The following PTK7 variants were observed in gnomAD, a reference collection of about 807,000 sequenced individuals.
The protein encoded by PTK7 is inactive tyrosine-protein kinase 7.
In PTK7, 39 loss-of-function variants were observed where a neutral mutation model predicts 116.6. The observed-to-expected ratio is 0.33, with a 90% CI of 0.26 to 0.44. PTK7 has a LOEUF of 0.44. PTK7 is among the 20% of genes least tolerant of loss of function. The pLI is 1.00. For synonymous variants in PTK7, 546 were observed against 563.6 expected, an observed-to-expected ratio of 0.97 and a Z score of 0.44; for missense variants, 1,169 against 1,425.6, an observed-to-expected ratio of 0.82 and a Z score of 2.90.
At chr6:43,099,841 A>G (rs1269605037) in intron 1 of PTK7, among the ~76,000 whole-genome samples, 3 of 152,068 alleles carry the variant, frequency 2.0e-5, no homozygotes, top group African/African-American at 7.2e-5. Context: ...AGGCCGAGGC[A>G]GGCAGATCAC....
intron 1 of PTK7, among the ~76,000 whole-genome samples, chr6:43,078,701 GCAGA>G (rs1164974418): frequency 2.0e-5 from 3 of 152,202 alleles, no homozygotes. Flanking sequence ...GCCATAAATG[GCAGA>G]GTTACTTTCC....
At chr6:43,151,826 C>G (rs1342037757) in intron 17 of PTK7, among the ~76,000 whole-genome samples, 2 of 147,288 alleles carry the variant, frequency 1.4e-5, no homozygotes, top group Admixed American at 1.4e-4. Flanking sequence ...CGTGAGCCAC[C>G]GCGCCCAGCC....
At chr6:43,101,151 G>T (rs555468939) in intron 1 of PTK7, among the ~76,000 whole-genome samples, 1 of 151,024 alleles carries the variant, frequency 6.6e-6, no homozygotes, top group East Asian at 2.0e-4. Context: ...GGAGGCGGAG[G>T]TTGCTGTGAG....
intron 17 of PTK7, among the ~76,000 whole-genome samples, chr6:43,158,582 G>A (rs1199909022): frequency 6.6e-6 from 1 of 152,224 alleles, no homozygotes; most frequent in Admixed American, 6.5e-5. Context: ...GGCACTTGCT[G>A]TGTGTCAGCA....
At chr6:43,121,625 A>G (rs1768968831) in intron 1 of PTK7, among the ~76,000 whole-genome samples, 1 of 152,046 alleles carries the variant, frequency 6.6e-6, no homozygotes, top group Non-Finnish European at 1.5e-5. Context: ...TGACTTCTGA[A>G]CCCTTATGCT....
At chr6:43,126,184 G>C (rs1270315275) in intron 1 of PTK7, among the ~76,000 whole-genome samples, 1 of 152,156 alleles carries the variant, frequency 6.6e-6, no homozygotes, top group African/African-American at 2.4e-5. Context: ...GCCAGGTGTG[G>C]TGGTGCGTAG....
At position 43,076,577 on chromosome 6, in the gene PTK7, C is replaced by A; in HGVS notation, c.79+10C>A. On this transcript the variant is annotated intron_variant, in intron 1 of 19. Transcript: ENST00000230419. This position sits in a 1 kb window ranked among gnomAD's most constrained non-coding sequence, Gnocchi z 5.7. ...CTGCCGCTGCTGGGCGGTGAGTACC[C>A]GAGAGTTGGGGGCACAGAGCTTGGG... 1 of 1,574,668 alleles carries A rather than the reference C, an allele frequency of 6.4e-7. No homozygotes were observed. The highest frequency in any genetic ancestry group is 1.2e-5 in the South Asian group (1 of 85,966).
chr6:43,155,685 A>G (rs1421377204), intron 17 of PTK7, among the ~76,000 whole-genome samples: 1 of 152,108 alleles, frequency 6.6e-6, no homozygotes, highest in Non-Finnish European at 1.5e-5. Context: ...TACGTTTCAT[A>G]TATAGTGTAT....
At chr6:43,089,727 G>A (rs1766843835) in intron 1 of PTK7, among the ~76,000 whole-genome samples, 1 of 152,206 alleles carries the variant, frequency 6.6e-6, no homozygotes, top group African/African-American at 2.4e-5. Flanking sequence ...GGAGTACTGA[G>A]GGGAGGGGGC....
intron 1 of PTK7, among the ~76,000 whole-genome samples, chr6:43,125,559 C>T (rs1375790332): frequency 6.6e-6 from 1 of 152,228 alleles, no homozygotes; most frequent in Non-Finnish European, 1.5e-5. Flanking sequence ...TGCCTTCAGA[C>T]TTCTCTGCTG....
chr6:43,082,207 A>T (rs996216114), intron 1 of PTK7, among the ~76,000 whole-genome samples: 1 of 151,892 alleles, frequency 6.6e-6, no homozygotes, highest in Non-Finnish European at 1.5e-5. Context: ...ATGGAGTCTC[A>T]CTCTGTCGCC....
intron 5 of PTK7, among the ~76,000 whole-genome samples, chr6:43,131,075 A>T (rs1429106230): frequency 1.4e-5 from 2 of 147,240 alleles, no homozygotes; most frequent in Non-Finnish European, 3.0e-5. Context: ...ACACACACAC[A>T]CACTTTTTAG....
chr6:43,093,105 G>A (rs962170437), intron 1 of PTK7, among the ~76,000 whole-genome samples: 3 of 152,006 alleles, frequency 2.0e-5, no homozygotes, highest in African/African-American at 7.3e-5. Context: ...GTTTACAAGA[G>A]GAGGTAGGTG....
At chr6:43,084,265 G>C (rs902541114) in intron 1 of PTK7, among the ~76,000 whole-genome samples, 6 of 152,054 alleles carry the variant, frequency 3.9e-5, no homozygotes, top group African/African-American at 7.2e-5. Context: ...CAAGTAGCTG[G>C]GACCACAGGT....
chr6:43,126,085 C>T (rs959746517), intron 1 of PTK7, among the ~76,000 whole-genome samples: 2 of 152,002 alleles, frequency 1.3e-5, no homozygotes, highest in Non-Finnish European at 2.9e-5. Flanking sequence ...TTTAGGAGGC[C>T]GAGGTGGGTG....
At chr6:43,083,013 G>A (rs116111331) in intron 1 of PTK7, among the ~76,000 whole-genome samples, 3,340 of 152,298 alleles carry the variant, frequency 0.022, 56 homozygotes, top group Non-Finnish European at 0.034. Flanking sequence ...GGGTTTGTGT[G>A]AGTCTGTGTT....
At position 43,076,890 on chromosome 6, in the gene PTK7, A is replaced by G; in HGVS notation, c.79+323A>G. 6.6e-7 allele frequency: 1 copy of G among 1,504,266 alleles called. No individual in the cohort carries two copies. The highest frequency in any genetic ancestry group is 1.2e-5 in the South Asian group (1 of 82,078). 93.2% of individuals were successfully genotyped at this position (1,504,266 alleles called of 1,614,324 possible). On this transcript the variant is annotated intron_variant, in intron 1 of 19. Coordinates refer to ENST00000230419, the MANE Select transcript of PTK7 (RefSeq NM_002821.5). The surrounding 1 kb of genome is among the most constrained non-coding windows in gnomAD (Gnocchi z 5.7). Reference sequence around the variant, plus strand: ...TGCTGGCTCTCGGGCCCAGATGGGGAGTTTCTTGTCGGGGGAGAAAAGACC... The same window carrying G: ...TGCTGGCTCTCGGGCCCAGATGGGGGGTTTCTTGTCGGGGGAGAAAAGACC...
chr6:43,084,243 G>A (rs985906589), intron 1 of PTK7, among the ~76,000 whole-genome samples: 8 of 152,138 alleles, frequency 5.3e-5, no homozygotes, highest in African/African-American at 1.9e-4. Flanking sequence ...TGATTCTCCC[G>A]CCTCCGCCTC....
chr6:43,085,850 T>C (rs988058287), intron 1 of PTK7, among the ~76,000 whole-genome samples: 36 of 151,496 alleles, frequency 2.4e-4, no homozygotes, highest in African/African-American at 7.8e-4. Context: ...GGAGAATCGC[T>C]TGAACCCGGG....
Sources: allele counts gnomAD v4.1 joint callset (sites outside exome capture counted in the v4.1 genomes callset), GRCh38; gene constraint gnomAD v4.1.1; non-coding constraint Gnocchi (gnomAD v3.1); transcripts MANE v1.5; gene names NCBI Gene and HGNC (gene_info 2026-07-23, HGNC 2026-07-21).